The following CEP89 variants were observed in gnomAD, a reference collection of about 807,000 sequenced individuals.
CEP89 encodes centrosomal protein 89.
In CEP89, 95 loss-of-function variants were observed where a neutral mutation model predicts 97.6. That is an observed-to-expected ratio of 0.97 (90% confidence interval 0.82 to 1.15). The LOEUF is 1.15. CEP89 is among the 50% of genes most tolerant of loss of function. The probability of loss-of-function intolerance (pLI) is 0.00; values close to 1 mark genes in which losing one functional copy is unlikely to be tolerated. For synonymous variants in CEP89, 354 were observed against 349.1 expected, an observed-to-expected ratio of 1.01 and a Z score of -0.16; for missense variants, 869 against 947.7, an observed-to-expected ratio of 0.92 and a Z score of 1.09.
At chr19:32,929,488 G>C (rs1207873958) in intron 9 of CEP89, among the ~76,000 whole-genome samples, 1 of 152,062 alleles carries the variant, frequency 6.6e-6, no homozygotes, top group Non-Finnish European at 1.5e-5. Flanking sequence ...TGGAATCCCA[G>C]CCACTCAGGA....
At chr19:32,908,450 C>T (rs1969933916) in intron 14 of CEP89, among the ~76,000 whole-genome samples, 1 of 152,214 alleles carries the variant, frequency 6.6e-6, no homozygotes. Flanking sequence ...GAGTGTGACC[C>T]TAATGGGCTG....
At position 32,971,862 on chromosome 19, in the gene CEP89, A is replaced by G; in HGVS notation, c.13T>C (p.Phe5Leu). MLLG[F>L]RRGRRSHFKH... ...AAATGACTCCTGCGGCCTCTCCGAAATCCCAGGAGCATCCTTGCAGCGCGA... is the reference window on the plus strand; with the variant it reads ...AAATGACTCCTGCGGCCTCTCCGAAGTCCCAGGAGCATCCTTGCAGCGCGA... The change falls in exon 1 of 19, where the codon TTT (phenylalanine) becomes CTT (leucine). Residue 5 changes from phenylalanine to leucine, a missense_variant. Phe to Leu is a conservative substitution (Grantham distance 22, BLOSUM62 0). Coordinates refer to ENST00000305768, the MANE Select transcript of CEP89 (RefSeq NM_032816.5). 1 of 1,593,038 alleles carries G rather than the reference A, an allele frequency of 6.3e-7. No homozygotes were observed. Among genetic ancestry groups the G allele is most frequent in the Non-Finnish European group, 8.6e-7 (1 of 1,168,774 alleles).
rs931996759 is a variant in CEP89, at chr19:32,920,371, A to G, written c.1269-2032T>C. On this transcript the variant is annotated intron_variant, in intron 12 of 18. Transcript: ENST00000305768. Reference sequence around the variant, plus strand: ...TTAGGATTACAGGGGTGAACCACTAAGCCTGAGCCATTTCTTTTTAAAATG... The same window carrying G: ...TTAGGATTACAGGGGTGAACCACTAGGCCTGAGCCATTTCTTTTTAAAATG... Among the ~76,000 whole-genome samples, 5 of 152,102 alleles carry G rather than the reference A, an allele frequency of 3.3e-5. No homozygotes were observed. The South Asian group carries it at 1.0e-3, about 32-fold the overall frequency.
At chr19:32,946,406 G>C (rs568082233) in intron 5 of CEP89, among the ~76,000 whole-genome samples, 1 of 152,332 alleles carries the variant, frequency 6.6e-6, no homozygotes, top group Non-Finnish European at 1.5e-5. Context: ...CAAGGCAGGA[G>C]AGAACCAAAT....
In CEP89 at chr19:32,960,062, C is replaced by T. The variant is rs774553093; in HGVS notation, c.147-4G>A. 68 of 1,613,774 alleles carry T rather than the reference C, an allele frequency of 4.2e-5. No individual in the cohort carries two copies. The Middle Eastern group carries it at 8.2e-4, about 20-fold the overall frequency. On this transcript the variant is annotated splice_region_variant and splice_polypyrimidine_tract_variant and intron_variant, in intron 2 of 18. Coordinates refer to ENST00000305768, the MANE Select transcript of CEP89 (RefSeq NM_032816.5). ...AATGGCTGCTGCCAGAGCAGATCTG[C>T]GGACAAAAACATCCCATGGAGACAG... is the stretch of plus-strand genomic sequence containing the variant.
At chr19:32,879,520 T>C (rs1969234878) in intron 18 of CEP89, 142 bp from the exon 19 acceptor site, 2 of 681,046 alleles carry the variant, frequency 2.9e-6, no homozygotes, top group African/African-American at 3.6e-5. Context: ...AAGCAAGCGC[T>C]CAGTGTGGAA....
chr19:32,942,849 C>CTTTTTTTT (rs757161677), intron 5 of CEP89, among the ~76,000 whole-genome samples: 1 of 136,370 alleles, frequency 7.3e-6, no homozygotes, highest in Non-Finnish European at 1.6e-5. Context: ...CTATTCCAGT[C>CTTTTTTTT]TTTTTTTTTT....
At chr19:32,969,546 G>C (rs907923426) in intron 1 of CEP89, 15 of 152,430 alleles carry the variant, frequency 9.8e-5, no homozygotes, top group Admixed American at 5.2e-4. Context: ...AGAGAGGCCA[G>C]GCAGTGGAAG....
chr19:32,931,695 C>T (rs913675752), intron 8 of CEP89, 124 bp from the exon 9 acceptor site: 10 of 706,296 alleles, frequency 1.4e-5, no homozygotes, highest in East Asian at 2.9e-5. Context: ...ACTGTGTGTG[C>T]GTGTGTGTCT....
chr19:32,879,796 A>G (rs55970832), intron 18 of CEP89, among the ~76,000 whole-genome samples: 37,639 of 152,212 alleles, frequency 0.25, 5,544 homozygotes, highest in Non-Finnish European at 0.35. Flanking sequence ...TGGCCTGGCC[A>G]CAGGCACCCA....
Position 32,953,689 on chromosome 19 carries a change from A to G in CEP89, c.418T>C (p.Leu140=), listed in dbSNP as rs772923341. 1.2e-6 allele frequency: 2 copies of G among 1,614,070 alleles called. No homozygotes were observed. Among genetic ancestry groups the G allele is most frequent in the Non-Finnish European group, 1.7e-6 (2 of 1,179,972 alleles). The change falls in exon 4 of 19, where the codon TTG becomes CTG. Residue 140 remains leucine (L), a synonymous_variant. Coordinates refer to ENST00000305768, the MANE Select transcript of CEP89 (RefSeq NM_032816.5). ...ETQLSSSGKE[L]GDVSAREDRG... The stretch of plus-strand genomic sequence containing the variant: ...TCCTCCCGGGCACTGACATCCCCCA[A>G]TTCCTTGCCGCTGGATGACAGCTGA...
chr19:32,921,692 G>A (rs1373724572), intron 12 of CEP89, among the ~76,000 whole-genome samples: 2 of 152,306 alleles, frequency 1.3e-5, no homozygotes, highest in East Asian at 3.9e-4. Flanking sequence ...GCCCCAGCCT[G>A]GCTAAGCTGC....
intron 16 of CEP89, among the ~76,000 whole-genome samples, chr19:32,894,426 C>T (rs1304007277): frequency 2.0e-5 from 3 of 152,116 alleles, no homozygotes; most frequent in African/African-American, 4.8e-5. Flanking sequence ...GGAAAAAGAA[C>T]AAAAATCCCT....
intron 3 of CEP89, 64 bp from the exon 4 acceptor site, chr19:32,953,865 ATCT>A: frequency 6.1e-6 from 6 of 977,724 alleles, no homozygotes; most frequent in Admixed American, 2.6e-5. Flanking sequence ...ACTGATAAAT[ATCT>A]TTTTTTTTTT....
chr19:32,917,754 C>T (rs984157100), intron 13 of CEP89: 3 of 978,698 alleles, frequency 3.1e-6, no homozygotes, highest in Non-Finnish European at 3.6e-6. Context: ...GGGACACTCT[C>T]GGAAGGTGTT....
intron 9 of CEP89, among the ~76,000 whole-genome samples, chr19:32,927,751 C>T (rs528970626): frequency 1.3e-5 from 2 of 151,894 alleles, no homozygotes; most frequent in East Asian, 2.0e-4. Flanking sequence ...ACTACAAGTG[C>T]ATGCCACCAC....
intron 16 of CEP89, among the ~76,000 whole-genome samples, chr19:32,891,924 G>A (rs1198669607): frequency 1.3e-5 from 2 of 151,018 alleles, no homozygotes; most frequent in Admixed American, 6.6e-5. Flanking sequence ...TCCAAGGGGT[G>A]AAAAGAAGTT....
At chr19:32,904,554 C>G (rs760623689) in intron 14 of CEP89, among the ~76,000 whole-genome samples, 25 of 151,650 alleles carry the variant, frequency 1.6e-4, no homozygotes, top group Non-Finnish European at 2.9e-4. Context: ...ATGATGATAG[C>G]CTATCATTAC....
At chr19:32,934,554 G>A (rs1476441112) in intron 7 of CEP89, among the ~76,000 whole-genome samples, 2 of 152,202 alleles carry the variant, frequency 1.3e-5, no homozygotes, top group African/African-American at 4.8e-5. Context: ...AGGATGGCTG[G>A]TGGCTCCAGA....
Sources: gnomAD v4.1 joint callset for allele counts (sites outside exome capture counted in the v4.1 genomes callset) on GRCh38, gnomAD v4.1.1 for gene constraint, MANE v1.5 for transcripts, NCBI Gene and HGNC (gene_info 2026-07-23, HGNC 2026-07-21) for gene names.